Variants in SBF2 observed in about 807,000 individuals in gnomAD.
SBF2 encodes the protein SET binding factor 2, also known as myotubularin-related protein 13.
In SBF2, 112 loss-of-function variants were observed where a neutral mutation model predicts 225.2. The observed-to-expected ratio is 0.50, with a 90% CI of 0.43 to 0.58. The LOEUF is 0.58. SBF2 is among the 20% of genes least tolerant of loss of function. SBF2 has a pLI of 0.00. For synonymous variants in SBF2, 763 were observed against 773.3 expected, an observed-to-expected ratio of 0.99 and a Z score of 0.22; for missense variants, 1,996 against 2,206.2, an observed-to-expected ratio of 0.90 and a Z score of 1.91.
chr11:9,957,257 G>A (rs1473497291), intron 16 of SBF2: 2 of 152,032 alleles, frequency 1.3e-5, no homozygotes, highest in African/African-American at 2.4e-5. Flanking sequence ...GGGTGGGCAG[G>A]GCACAGAAAC....
At chr11:10,070,412 G>C (rs1204464902) in intron 2 of SBF2, among the ~76,000 whole-genome samples, 1 of 152,182 alleles carries the variant, frequency 6.6e-6, no homozygotes, top group Non-Finnish European at 1.5e-5. Flanking sequence ...TTATTAAATA[G>C]GGAATCCTTT....
chr11:9,887,072 T>A (rs1000573018), intron 17 of SBF2, among the ~76,000 whole-genome samples: 1 of 151,986 alleles, frequency 6.6e-6, no homozygotes, highest in Non-Finnish European at 1.5e-5. Context: ...ATAGTCTTAG[T>A]AGGCTGCCTC....
chr11:9,948,314 A>G (rs1001792647), intron 16 of SBF2, among the ~76,000 whole-genome samples: 3 of 152,074 alleles, frequency 2.0e-5, no homozygotes, highest in Non-Finnish European at 2.9e-5. Context: ...GTTTGGGAAG[A>G]TGGAAAAAGT....
chr11:10,217,049 G>A (rs996356444), intron 1 of SBF2, among the ~76,000 whole-genome samples: 2 of 152,132 alleles, frequency 1.3e-5, no homozygotes, highest in African/African-American at 4.8e-5. Context: ...TTCATAGTAG[G>A]TAATCAATGG....
At chr11:10,092,690 G>A (rs1184107332) in intron 2 of SBF2, among the ~76,000 whole-genome samples, 1 of 152,184 alleles carries the variant, frequency 6.6e-6, no homozygotes, top group Non-Finnish European at 1.5e-5. Context: ...ATGAAAGAGG[G>A]TACGATTTAG....
intron 8 of SBF2, among the ~76,000 whole-genome samples, chr11:9,999,667 CA>C (rs1947867079): frequency 6.6e-6 from 1 of 152,034 alleles, no homozygotes; most frequent in Non-Finnish European, 1.5e-5. Context: ...ATGTACAAAC[CA>C]GGTGGATATG....
intron 2 of SBF2, among the ~76,000 whole-genome samples, chr11:10,079,652 T>C (rs1384933017): frequency 6.6e-6 from 1 of 152,096 alleles, no homozygotes; most frequent in Non-Finnish European, 1.5e-5. Flanking sequence ...AATAAAAAAG[T>C]TTGGACACCT....
intron 3 of SBF2, among the ~76,000 whole-genome samples, chr11:10,041,955 GGGGCAAAAT>G (rs909362612): frequency 1.2e-4 from 18 of 146,682 alleles, no homozygotes; most frequent in African/African-American, 4.5e-4. Context: ...TACACTTTTT[GGGGCAAAAT>G]GGGCTCTGTA....
chr11:10,250,202 T>G (rs989212237), intron 1 of SBF2, among the ~76,000 whole-genome samples: 7 of 152,234 alleles, frequency 4.6e-5, no homozygotes, highest in African/African-American at 1.7e-4. Context: ...CAGATTTTCA[T>G]GTTAAACTAG....
At chr11:10,158,261 C>T (rs953958833) in intron 2 of SBF2, among the ~76,000 whole-genome samples, 1 of 151,986 alleles carries the variant, frequency 6.6e-6, no homozygotes, top group Non-Finnish European at 1.5e-5. Context: ...CAAACAACTT[C>T]ACTTTATACC....
intron 1 of SBF2, among the ~76,000 whole-genome samples, chr11:10,274,392 G>C (rs1962786641): frequency 6.6e-6 from 1 of 151,988 alleles, no homozygotes. Flanking sequence ...TAAAATTACA[G>C]GGTTTTGTTT....
intron 1 of SBF2, among the ~76,000 whole-genome samples, chr11:10,226,430 T>C (rs894402170): frequency 6.6e-6 from 1 of 152,014 alleles, no homozygotes; most frequent in Non-Finnish European, 1.5e-5. Flanking sequence ...GCTGCACCCA[T>C]CAACTCGTCA....
At chr11:10,042,507 C>T (rs1279098275) in intron 3 of SBF2, among the ~76,000 whole-genome samples, 1 of 152,020 alleles carries the variant, frequency 6.6e-6, no homozygotes, top group African/African-American at 2.4e-5. Context: ...AGTAAATGTT[C>T]CACATTCTAT....
intron 2 of SBF2, among the ~76,000 whole-genome samples, chr11:10,171,619 C>G (rs566116943): frequency 6.6e-6 from 1 of 152,176 alleles, no homozygotes; most frequent in African/African-American, 2.4e-5. Flanking sequence ...GTGTCTTTGC[C>G]TGGTTTTGGC....
In SBF2 at chr11:9,893,573, G is replaced by A. The variant is rs532888817; in HGVS notation, c.1929+2370C>T. Among the ~76,000 whole-genome samples the A allele has an allele frequency of 5.9e-5, 9 of 152,308 alleles. No individual in the cohort carries two copies. In the South Asian group the frequency reaches 1.9e-3, roughly 32 times the overall value. On this transcript the variant is annotated intron_variant, in intron 17 of 39. Coordinates refer to ENST00000256190, the MANE Select transcript of SBF2 (RefSeq NM_030962.4). ...TAATGGTGGTGTGTGGGACCACAGT[G>A]GCAGTGCTATCTATAAAGTTTCAGT...
intron 2 of SBF2, among the ~76,000 whole-genome samples, chr11:10,054,488 G>A (rs534988794): frequency 6.6e-6 from 1 of 152,168 alleles, no homozygotes; most frequent in African/African-American, 2.4e-5. Flanking sequence ...AACAGATTAA[G>A]GCTTTACATT....
At chr11:10,141,103 C>T (rs2135135860) in intron 2 of SBF2, among the ~76,000 whole-genome samples, 1 of 152,246 alleles carries the variant, frequency 6.6e-6, no homozygotes, top group East Asian at 1.9e-4. Context: ...TGCTTGATCT[C>T]CTCTTACCAA....
intron 17 of SBF2, among the ~76,000 whole-genome samples, chr11:9,882,503 T>C (rs1171892631): frequency 6.6e-6 from 1 of 152,206 alleles, no homozygotes; most frequent in Non-Finnish European, 1.5e-5. Context: ...AAACTTCTGA[T>C]ACAGTGCTTA....
At chr11:9,852,546 T>C in intron 21 of SBF2, 130 bp downstream of exon 21, 1 of 747,632 alleles carries the variant, frequency 1.3e-6, no homozygotes. Flanking sequence ...TCTGACAGTT[T>C]AACATATCAT....
Sources: allele counts gnomAD v4.1 joint callset (sites outside exome capture counted in the v4.1 genomes callset), GRCh38; gene constraint gnomAD v4.1.1; transcripts MANE v1.5; gene names NCBI Gene and HGNC (gene_info 2026-07-23, HGNC 2026-07-21).